VIPR2: variants seen among roughly 807,000 people sequenced by gnomAD.
VIPR2 encodes the protein vasoactive intestinal polypeptide receptor 2.
A neutral mutation model predicts 58.0 loss-of-function variants in VIPR2; 48 were observed. The observed-to-expected ratio is 0.83, with a 90% CI of 0.66 to 1.05. VIPR2 has a LOEUF of 1.05. Ranked by LOEUF, VIPR2 falls within the 50% of genes least tolerant of loss-of-function variation. VIPR2 has a pLI of 0.00. For missense variants in VIPR2, 534 were observed against 558.0 expected, an observed-to-expected ratio of 0.96 and a Z score of 0.43; for synonymous variants, 243 against 235.2, an observed-to-expected ratio of 1.03 and a Z score of -0.30.
rs1476062604 is a variant in VIPR2, at chr7:159,109,755, G to A, written c.259+57C>T. 5 of 1,503,662 alleles carry A rather than the reference G, an allele frequency of 3.3e-6. No homozygotes were observed. In the East Asian group the frequency reaches 9.0e-5, roughly 27 times the overall value. The allele number at this position is 1,503,662 out of a possible 1,614,324, so 93.1% of individuals were successfully genotyped here. A position where few individuals can be genotyped will look rare whatever the true frequency, so the allele number is the denominator to read the frequency against. ...TTCCTGCTTCTTGGATGGAAAAAAT[G>A]GACGCTCAGATGCAAACACCCTGGA... On this transcript the variant is annotated intron_variant, in intron 3 of 12. Transcript: ENST00000262178.
chr7:159,030,843 T>TGCTATGGGAAGCGCGGCC (rs1273447937), intron 12 of VIPR2, 54 bp from the exon 13 acceptor site: 4 of 1,441,988 alleles, frequency 2.8e-6, no homozygotes, highest in Non-Finnish European at 3.6e-6. Context: ...TGCGGGCGGC[T>TGCTATGGGAAGCGCGGCC]GCTATGGGAA....
intron 3 of VIPR2, among the ~76,000 whole-genome samples, chr7:159,108,892 G>T (rs758261149): frequency 4.6e-5 from 7 of 152,170 alleles, no homozygotes; most frequent in Non-Finnish European, 1.0e-4. Flanking sequence ...CTAACTCAGG[G>T]GTGGGCAGTG....
At chr7:159,136,015 G>A (rs1421196774) in intron 2 of VIPR2, among the ~76,000 whole-genome samples, 1 of 152,176 alleles carries the variant, frequency 6.6e-6, no homozygotes, top group Non-Finnish European at 1.5e-5. Context: ...AGAGGTTCGA[G>A]TCCCAAGTCC....
chr7:159,136,197 T>C (rs1797218205), intron 2 of VIPR2, among the ~76,000 whole-genome samples: 1 of 152,102 alleles, frequency 6.6e-6, no homozygotes, highest in African/African-American at 2.4e-5. Context: ...GGCGGGGACT[T>C]TTCAGGGTTC....
In VIPR2 at chr7:159,097,463, C is replaced by T. The variant is rs756865997; in HGVS notation, c.357+6294G>A. ...CACGGTGTGCTGCTGAGGCCATTCC[C>T]GGGAACGCCACACTCCGCCCTGGCC... On this transcript the variant is annotated intron_variant, in intron 4 of 12. Transcript: ENST00000262178. The surrounding 1 kb of genome is among the most constrained non-coding windows in gnomAD (Gnocchi z 5.3). Among the ~76,000 whole-genome samples the T allele has an allele frequency of 3.9e-5, 6 of 152,064 alleles. No homozygotes were observed. The highest frequency in any genetic ancestry group is 9.7e-5 in the African/African-American group (4 of 41,420).
intron 2 of VIPR2, among the ~76,000 whole-genome samples, chr7:159,111,724 A>G (rs1250450155): frequency 6.6e-6 from 1 of 152,078 alleles, no homozygotes; most frequent in Non-Finnish European, 1.5e-5. Context: ...TTTTAAAATA[A>G]TGGGCTGGGT....
intron 2 of VIPR2, among the ~76,000 whole-genome samples, chr7:159,141,409 C>T (rs894579596): frequency 1.3e-5 from 2 of 152,214 alleles, no homozygotes; most frequent in South Asian, 2.1e-4. Flanking sequence ...GGGATGGGAA[C>T]GGGCAGGGAC....
intron 4 of VIPR2, among the ~76,000 whole-genome samples, chr7:159,084,734 G>A (rs1857085061): frequency 6.6e-6 from 1 of 152,214 alleles, no homozygotes; most frequent in East Asian, 1.9e-4. Context: ...GCGGAGTGGG[G>A]TACAGGGAGG....
At chr7:159,142,866 C>T (rs1394209440) in intron 1 of VIPR2, among the ~76,000 whole-genome samples, 1 of 152,236 alleles carries the variant, frequency 6.6e-6, no homozygotes, top group African/African-American at 2.4e-5. Flanking sequence ...ATACCCGGCT[C>T]CTCCGTTTCA....
chr7:159,128,839 C>T lies in VIPR2; in HGVS notation c.151+13607G>A, dbSNP rs1011087737. Among the ~76,000 whole-genome samples, 1 of 152,224 alleles carries T rather than the reference C, an allele frequency of 6.6e-6. No homozygotes were observed. The highest frequency in any genetic ancestry group is 2.4e-5 in the African/African-American group (1 of 41,460). On this transcript the variant is annotated intron_variant, in intron 2 of 12. Transcript: ENST00000262178. This position sits in a 1 kb window ranked among gnomAD's most constrained non-coding sequence, Gnocchi z 4.1. ...GGTTGGGCACGCTAACTGCTCTTCTCCCTCAACTGCTCCCTCCTTCCCTCC... is the reference window on the plus strand; with the variant it reads ...GGTTGGGCACGCTAACTGCTCTTCTTCCTCAACTGCTCCCTCCTTCCCTCC...
At chr7:159,046,019 T>C (rs1010873045) in intron 5 of VIPR2, among the ~76,000 whole-genome samples, 13 of 152,026 alleles carry the variant, frequency 8.6e-5, no homozygotes, top group Non-Finnish European at 1.8e-4. Flanking sequence ...TGTGACTTCA[T>C]TGCATACCAC....
chr7:159,056,239 G>GC (rs915489371), intron 5 of VIPR2, among the ~76,000 whole-genome samples: 7 of 143,372 alleles, frequency 4.9e-5, no homozygotes, highest in African/African-American at 1.6e-4. Flanking sequence ...CCCCAATCTT[G>GC]CCCCCCTTAC....
intron 4 of VIPR2, among the ~76,000 whole-genome samples, chr7:159,059,869 T>G (rs1855535220): frequency 6.9e-6 from 1 of 144,910 alleles, no homozygotes; most frequent in African/African-American, 2.6e-5. Flanking sequence ...TAACCCATAC[T>G]CCACCTAACC....
intron 2 of VIPR2, among the ~76,000 whole-genome samples, chr7:159,139,832 T>C (rs1198586739): frequency 6.6e-6 from 1 of 152,270 alleles, no homozygotes; most frequent in African/African-American, 2.4e-5. Context: ...GCAGGAAGCC[T>C]GGACAAAGCC....
intron 4 of VIPR2, among the ~76,000 whole-genome samples, chr7:159,102,947 C>T (rs566914199): frequency 4.2e-4 from 64 of 152,352 alleles, no homozygotes; most frequent in South Asian, 2.7e-3. Context: ...GCCACCCACA[C>T]GGTGCTGCCA....
intron 2 of VIPR2, among the ~76,000 whole-genome samples, chr7:159,111,989 C>G (rs114829073): frequency 3.3e-5 from 5 of 151,836 alleles, no homozygotes; most frequent in Non-Finnish European, 5.9e-5. Flanking sequence ...CCAGCCCGGG[C>G]GACAGAGCGA....
intron 1 of VIPR2, 72 bp downstream of exon 1, chr7:159,144,649 G>C: frequency 9.4e-6 from 13 of 1,376,010 alleles, no homozygotes; most frequent in Non-Finnish European, 1.2e-5. Context: ...AGACCGGCGG[G>C]AGGAGCGCTC....
chr7:159,085,624 C>T (rs557908477), intron 4 of VIPR2, among the ~76,000 whole-genome samples: 281 of 152,292 alleles, frequency 1.8e-3, no homozygotes, highest in African/African-American at 6.5e-3. Context: ...ACGGCTGTCA[C>T]GCTGAAGCTG....
In VIPR2 at chr7:159,029,105, C is replaced by G. The variant is rs1212317761; in HGVS notation, c.*1511G>C. On this transcript the variant is annotated 3_prime_UTR_variant, in exon 13 of 13. Transcript: ENST00000262178. ...TGACACTGACAGGATGTGTGAGCTTCCCTGTGGCTGCCTCCCGGCACAGCT... is the reference window on the plus strand; with the variant it reads ...TGACACTGACAGGATGTGTGAGCTTGCCTGTGGCTGCCTCCCGGCACAGCT... 1.3e-5 allele frequency: 2 copies of G among 152,276 alleles called. No individual in the cohort carries two copies. Among genetic ancestry groups the G allele is most frequent in the East Asian group, 3.8e-4 (2 of 5,204 alleles). 9.4% of individuals were successfully genotyped at this position (152,276 alleles called of 1,614,324 possible).
Sources: gnomAD v4.1 joint callset for allele counts (sites outside exome capture counted in the v4.1 genomes callset) on GRCh38, gnomAD v4.1.1 for gene constraint, Gnocchi (gnomAD v3.1) non-coding constraint, MANE v1.5 for transcripts, NCBI Gene and HGNC (gene_info 2026-07-23, HGNC 2026-07-21) for gene names.